MORN1: variants seen among roughly 807,000 people sequenced by gnomAD.
MORN1 encodes the protein MORN repeat-containing protein 1.
MORN1 carries 67 observed loss-of-function variants against 61.9 expected under a neutral mutation model. The observed-to-expected ratio is 1.08, with a 90% CI of 0.89 to 1.33. The LOEUF is 1.33. Ranked by LOEUF, MORN1 falls within the 40% of genes most tolerant of loss-of-function variation. The probability of loss-of-function intolerance (pLI) is 0.00; values close to 1 mark genes in which losing one functional copy is unlikely to be tolerated. For synonymous variants in MORN1, 301 were observed against 292.0 expected, an observed-to-expected ratio of 1.03 and a Z score of -0.31; for missense variants, 752 against 691.2, an observed-to-expected ratio of 1.09 and a Z score of -0.99.
rs143339709 is a variant in MORN1, at chr1:2,384,993, G to T, written c.522C>A (p.Asp174Glu). ...RQGHGVLRCA[D>E]GSTYKGQWHS... ...CCCCGGGTACCTTGTAGGTGGAGCC[G>T]TCGGCGCAGCGCAGCACCCCGTGTC... Residue 174 changes from aspartate to glutamate, a missense_variant, in exon 6 of 14, where the codon GAC becomes GAA. Transcript: ENST00000378531. The T allele has an allele frequency of 6.3e-7, 1 of 1,587,224 alleles. No homozygotes were observed. The highest frequency in any genetic ancestry group is 1.1e-5 in the South Asian group (1 of 87,318).
At chr1:2,351,766 T>C in intron 10 of MORN1, 1 of 560,160 alleles carries the variant, frequency 1.8e-6, no homozygotes, top group Non-Finnish European at 3.5e-6. Context: ...TCAAAAGCCT[T>C]GAAGGTGCCA....
chr1:2,387,253 G>T, intron 4 of MORN1, 166 bp downstream of exon 4: 2 of 646,278 alleles, frequency 3.1e-6, no homozygotes, highest in Non-Finnish European at 5.6e-6. Context: ...CCGGGCATAG[G>T]ACATGGCCTG....
At chr1:2,359,067 T>C (rs535349914) in intron 8 of MORN1, among the ~76,000 whole-genome samples, 1 of 152,204 alleles carries the variant, frequency 6.6e-6, no homozygotes, top group South Asian at 2.1e-4. Context: ...TGGCACACTA[T>C]GGGAAGGCAT....
intron 12 of MORN1, among the ~76,000 whole-genome samples, chr1:2,330,104 C>T (rs1367178162): frequency 2.0e-5 from 3 of 152,198 alleles, no homozygotes; most frequent in South Asian, 2.1e-4. Flanking sequence ...CTGCACCCCT[C>T]GGCTGAGCAA....
At chr1:2,370,619 A>G (rs1463809765) in intron 8 of MORN1, among the ~76,000 whole-genome samples, 1 of 152,212 alleles carries the variant, frequency 6.6e-6, no homozygotes, top group Non-Finnish European at 1.5e-5. Flanking sequence ...CGCAATAGGT[A>G]AAGAACTCTA....
intron 12 of MORN1, among the ~76,000 whole-genome samples, chr1:2,327,757 G>C (rs927899075): frequency 6.6e-6 from 1 of 152,264 alleles, no homozygotes; most frequent in East Asian, 1.9e-4. Flanking sequence ...AGGCTAACAA[G>C]GTGCTGCGCC....
intron 12 of MORN1, among the ~76,000 whole-genome samples, chr1:2,327,164 A>C (rs186960192): frequency 0.025 from 3,557 of 142,708 alleles, 302 homozygotes; most frequent in African/African-American, 0.087. Context: ...AGAAACACAC[A>C]GACAGAAACA....
chr1:2,348,713 CTGCGCGG>C (rs1487150432), intron 10 of MORN1, among the ~76,000 whole-genome samples: 2 of 30,324 alleles, frequency 6.6e-5, no homozygotes, highest in Admixed American at 7.6e-4. Flanking sequence ...ACACGCACAC[CTGCGCGG>C]GCACGCACAC....
At chr1:2,333,263 A>G (rs953356400) in intron 12 of MORN1, among the ~76,000 whole-genome samples, 7 of 152,174 alleles carry the variant, frequency 4.6e-5, no homozygotes, top group African/African-American at 1.7e-4. Context: ...CAGGCCGGGG[A>G]CAGGCCCCAC....
At chr1:2,348,622 C>CGCACGCACACACACACCTGCGCAG (rs1641568609) in intron 10 of MORN1, among the ~76,000 whole-genome samples, 1 of 150,854 alleles carries the variant, frequency 6.6e-6, no homozygotes, top group Non-Finnish European at 1.5e-5. Context: ...TAGGCAGGCA[C>CGCACGCACACACACACCTGCGCAG]GCACGCACAC....
At chr1:2,325,073 G>C (rs926639336) in intron 12 of MORN1, among the ~76,000 whole-genome samples, 1 of 135,430 alleles carries the variant, frequency 7.4e-6, no homozygotes. Flanking sequence ...ATGCACTTCG[G>C]AAATACATCT....
chr1:2,334,780 G>A lies in MORN1; in HGVS notation c.1250+1689C>T, dbSNP rs1464889180. ...GCCCTTTGGCTGGGAGGCCCAGGCTGGGAGCAGACGCCGACCCCTCCGTTC... is the reference window on the plus strand; with the variant it reads ...GCCCTTTGGCTGGGAGGCCCAGGCTAGGAGCAGACGCCGACCCCTCCGTTC... On this transcript the variant is annotated intron_variant, in intron 12 of 13. Transcript: ENST00000378531. The surrounding 1 kb of genome is among the most constrained non-coding windows in gnomAD (Gnocchi z 5.4). Among the ~76,000 whole-genome samples, 2 of 152,240 alleles carry A rather than the reference G, an allele frequency of 1.3e-5. No homozygotes were observed. Among genetic ancestry groups the A allele is most frequent in the Non-Finnish European group, 2.9e-5 (2 of 68,048 alleles).
In MORN1 at chr1:2,358,614, C is replaced by T. The variant is rs1225990196; in HGVS notation, c.847G>A (p.Glu283Lys). The T allele has an allele frequency of 6.2e-7, 1 of 1,614,112 alleles. No homozygotes were observed. Among genetic ancestry groups the T allele is most frequent in the South Asian group, 1.1e-5 (1 of 91,084 alleles). Residue 283 changes from glutamate (E) to lysine (K), a missense_variant, in exon 9 of 14, where the codon GAG (glutamate) becomes AAG (lysine). By Grantham distance (56) the Glu-to-Lys change is moderately conservative. Coordinates refer to ENST00000378531, the MANE Select transcript of MORN1 (RefSeq NM_024848.3). ...CACAATGGGGTCTGGATGAGTGTCTCTTGGTTGTCTCTGTCCACTTTGAAA... is the reference window on the plus strand; with the variant it reads ...CACAATGGGGTCTGGATGAGTGTCTTTTGGTTGTCTCTGTCCACTTTGAAA... ...NFFKVDRDNQETLIQTPFGFE... is the reference protein window; with the variant it reads ...NFFKVDRDNQKTLIQTPFGFE...
rs1642601238 is a variant in MORN1 at position 2,389,924 on chromosome 1, C to T, written c.148+1G>A. ...AAGAAGAGACCACAGATGCTTCTCA[C>T]CGTGCTTCCTCCCTGCTTTCCATTC... On this transcript the variant is annotated splice_donor_variant, in intron 2 of 13. Transcript: ENST00000378531. LOFTEE classifies it high-confidence loss of function. 1 of 1,613,924 alleles carries T rather than the reference C, an allele frequency of 6.2e-7. No homozygotes were observed. The highest frequency in any genetic ancestry group is 8.5e-7 in the Non-Finnish European group (1 of 1,179,824).
At chr1:2,385,549 C>CGG (rs556462194) in intron 5 of MORN1, 1,729 of 97,082 alleles carry the variant, frequency 0.018, 67 homozygotes, top group African/African-American at 0.038. Flanking sequence ...GTATTTTAAT[C>CGG]GGGGGGGGGG....
intron 10 of MORN1, among the ~76,000 whole-genome samples, chr1:2,341,463 CA>C (rs957563632): frequency 6.6e-6 from 1 of 152,166 alleles, no homozygotes; most frequent in Non-Finnish European, 1.5e-5. Context: ...GAGGCCAAAG[CA>C]GGCGGATCAG....
At chr1:2,363,425 T>A (rs1206902995) in intron 8 of MORN1, 2 of 152,106 alleles carry the variant, frequency 1.3e-5, no homozygotes, top group Non-Finnish European at 2.9e-5. Flanking sequence ...AACCCTAAAG[T>A]AATCCCTCAA....
intron 12 of MORN1, among the ~76,000 whole-genome samples, chr1:2,333,669 C>T (rs2100246309): frequency 6.6e-6 from 1 of 152,336 alleles, no homozygotes; most frequent in Middle Eastern, 3.4e-3. Flanking sequence ...CCCTGCCCTT[C>T]TCCACCCCAT....
chr1:2,372,431 C>T lies in MORN1; in HGVS notation c.745+50G>A. On this transcript the variant is annotated intron_variant, in intron 8 of 13. Transcript: ENST00000378531. The surrounding 1 kb of genome is among the most constrained non-coding windows in gnomAD (Gnocchi z 5.4). ...ATCTTCACTGCTTAAGAACCTGCTG[C>T]CTGTTTCTCTTTTGGAAACGTTAGG... 7.0e-7 allele frequency: 1 copy of T among 1,421,948 alleles called. No individual in the cohort carries two copies. The highest frequency in any genetic ancestry group is 9.8e-7 in the Non-Finnish European group (1 of 1,021,852). 88.1% of individuals were successfully genotyped at this position (1,421,948 alleles called of 1,614,324 possible). A position where few individuals can be genotyped will look rare whatever the true frequency, so the allele number is the denominator to read the frequency against.
Sources: allele counts gnomAD v4.1 joint callset (sites outside exome capture counted in the v4.1 genomes callset), GRCh38; gene constraint gnomAD v4.1.1; non-coding constraint Gnocchi (gnomAD v3.1); transcripts MANE v1.5; gene names NCBI Gene and HGNC (gene_info 2026-07-23, HGNC 2026-07-21).